ERICH1: variants seen among roughly 807,000 people sequenced by gnomAD.
The protein encoded by ERICH1 is glutamate-rich protein 1.
Under a neutral mutation model 39.6 loss-of-function variants are expected in ERICH1, and 56 were observed. The ratio of observed to expected loss-of-function variants is 1.41; its 90% CI spans 1.14 to 1.77. ERICH1 has a LOEUF of 1.77. Among genes scored for constraint, ERICH1 ranks in the 40% most tolerant of loss-of-function variants. The pLI, the probability that ERICH1 is intolerant of heterozygous loss-of-function variation, is 0.00. For synonymous variants in ERICH1, 313 were observed against 223.6 expected (o/e 1.40, Z -3.57); for missense variants, 826 against 575.4 (o/e 1.44, Z -4.45).
exon 4 of ERICH1, chr8:615,223 T>C: frequency 1.5e-6 from 1 of 688,992 alleles, no homozygotes; most frequent in Admixed American, 2.2e-5. Context: ...CCACAGCTGG[T>C]TAAGGCAGCC....
rs33933491 is a variant in ERICH1, at chr8:685,992, C to CA, written c.304+6485dup. Among the ~76,000 whole-genome samples, 55 of 128,436 alleles carry CA rather than the reference C, an allele frequency of 4.3e-4. 1 individual carries two copies. Among genetic ancestry groups the CA allele is most frequent in the Admixed American group, 1.3e-3 (16 of 12,602 alleles). 84.3% of individuals were successfully genotyped at this position (128,436 alleles called of 152,430 possible). A position where few individuals can be genotyped will look rare whatever the true frequency, so the allele number is the denominator to read the frequency against. ...AAACCCCGTCTCTACTAAAAAATAC[C>CA]AAAAAAAAAAAAAAAAAAATAGCTT... On this transcript the variant is annotated intron_variant, in intron 3 of 5. Coordinates refer to ENST00000262109, the MANE Select transcript of ERICH1 (RefSeq NM_207332.3).
intron 3 of ERICH1, among the ~76,000 whole-genome samples, chr8:633,433 G>C (rs1167466523): frequency 6.6e-6 from 1 of 152,120 alleles, no homozygotes; most frequent in Non-Finnish European, 1.5e-5. Flanking sequence ...GGAAGAAAAG[G>C]GCCCCCAAAG....
chr8:706,571 C>T (rs910333467), intron 2 of ERICH1, among the ~76,000 whole-genome samples: 1 of 152,054 alleles, frequency 6.6e-6, no homozygotes, highest in Admixed American at 6.6e-5. Flanking sequence ...GTCGGGAGTT[C>T]GAGACCAGCC....
rs550082651 is a variant in ERICH1, at chr8:721,488, C to T, written c.23-5481G>A. ...TCTGAGCTGACAAGCGCCGAGCGTG[C>T]GGCCCCCACACACCTGGCCCAGGCA... On this transcript the variant is annotated intron_variant, in intron 1 of 5. Coordinates refer to ENST00000262109, the MANE Select transcript of ERICH1 (RefSeq NM_207332.3). 5.3e-5 allele frequency among the ~76,000 whole-genome samples: 8 copies of T among 152,324 alleles called. No individual in the cohort carries two copies. In the East Asian group the frequency reaches 9.7e-4, roughly 18 times the overall value.
Position 715,920 on chromosome 8 carries a change from T to G in ERICH1, c.110A>C (p.Asn37Thr). The change falls in exon 2 of 6, where the codon AAT becomes ACT. Residue 37 changes from asparagine to threonine, a missense_variant. By Grantham distance (65) the Asn-to-Thr change is moderately conservative. Transcript: ENST00000262109. ...CTCAGAGGTCACTTTCTTTGGTGGATTTTGGACGGCCAGCGTCTGGGGTTC... is the reference window on the plus strand; with the variant it reads ...CTCAGAGGTCACTTTCTTTGGTGGAGTTTGGACGGCCAGCGTCTGGGGTTC... Reference protein sequence around the residue: ...KREPQTLAVQNPPKKVTSEKV... With the variant: ...KREPQTLAVQTPPKKVTSEKV... 6.2e-7 allele frequency: 1 copy of G among 1,613,798 alleles called. No homozygotes were observed. Among genetic ancestry groups the G allele is most frequent in the Non-Finnish European group, 8.5e-7 (1 of 1,179,862 alleles).
intron 1 of ERICH1, among the ~76,000 whole-genome samples, chr8:719,745 T>A (rs1343340580): frequency 6.6e-6 from 1 of 152,192 alleles, no homozygotes. Context: ...CTTGCACATG[T>A]ATTGAATTAT....
chr8:695,409 G>A (rs1809923382), intron 2 of ERICH1, among the ~76,000 whole-genome samples: 1 of 152,030 alleles, frequency 6.6e-6, no homozygotes, highest in Non-Finnish European at 1.5e-5. Flanking sequence ...ACCTGCATCT[G>A]ACACAGATCC....
chr8:685,457 A>G (rs1807113672), intron 3 of ERICH1, among the ~76,000 whole-genome samples: 1 of 152,208 alleles, frequency 6.6e-6, no homozygotes, highest in Non-Finnish European at 1.5e-5. Context: ...GGCAACATAC[A>G]TTCTCAGTTT....
intron 3 of ERICH1, among the ~76,000 whole-genome samples, chr8:651,896 C>G (rs1366728055): frequency 6.6e-6 from 1 of 152,150 alleles, no homozygotes. Flanking sequence ...TTCATTTCCT[C>G]TTGATGAGAA....
chr8:706,339 G>A (rs1585526594), intron 2 of ERICH1, among the ~76,000 whole-genome samples: 1 of 152,100 alleles, frequency 6.6e-6, no homozygotes, highest in African/African-American at 2.4e-5. Flanking sequence ...GACAAACACT[G>A]AACATTCCCA....
intron 2 of ERICH1, among the ~76,000 whole-genome samples, chr8:708,681 G>GTTTTTTTTTTGTTTTTTTTTTTTTT (rs1563319316): frequency 1.5e-4 from 10 of 65,774 alleles, no homozygotes; most frequent in Admixed American, 1.9e-4. Context: ...GGGATAATGA[G>GTTTTTTTTTTGTTTTTTTTTTTTTT]TTTTTTTTTT....
chr8:618,820 C>A (rs924590648), intron 3 of ERICH1, among the ~76,000 whole-genome samples: 5 of 152,086 alleles, frequency 3.3e-5, no homozygotes, highest in African/African-American at 9.7e-5. Context: ...GAGACAAGGT[C>A]CCCCAAACGC....
chr8:616,636 GAGA>G (rs960814708), intron 3 of ERICH1: 11 of 454,458 alleles, frequency 2.4e-5, no homozygotes, highest in Non-Finnish European at 4.4e-5. Context: ...GGCAGAGACA[GAGA>G]AGGAGAGACA....
chr8:673,630 TC>T lies in ERICH1; in HGVS notation c.721del (p.Asp241ThrfsTer2). ...EEDGADASEE[D>X]LTRARQEEGA... ...CTCTTCCTGCCTGGCCCGTGTCAGG[TC>T]TTCCTCGCTAGCGTCCGCACCATCT... is the stretch of plus-strand genomic sequence containing the variant. On this transcript the variant is annotated frameshift_variant, in exon 4 of 6. Transcript: ENST00000262109. LOFTEE classifies it high-confidence loss of function. 1 of 1,557,100 alleles carries T rather than the reference TC, an allele frequency of 6.4e-7. No individual in the cohort carries two copies. Among genetic ancestry groups the T allele is most frequent in the Non-Finnish European group, 8.8e-7 (1 of 1,134,200 alleles).
Position 632,792 on chromosome 8 carries a change from G to T in ERICH1, c.977-17508C>A, listed in dbSNP as rs78880210. On this transcript the variant is annotated intron_variant, in intron 3 of 3. Coordinates refer to the ERICH1 transcript ENST00000522706. ...ACATAACGCCCAAGTGGGTGACTTT[G>T]CCCTGGGGGACATTTGGCAATGTGT... Among the ~76,000 whole-genome samples the T allele has an allele frequency of 4.5e-3, 688 of 152,308 alleles. 4 individuals carry two copies. Among genetic ancestry groups the T allele is most frequent in the African/African-American group, 0.016 (646 of 41,568 alleles).
At chr8:712,420 G>A (rs892280489) in intron 2 of ERICH1, among the ~76,000 whole-genome samples, 41 of 151,672 alleles carry the variant, frequency 2.7e-4, no homozygotes, top group African/African-American at 8.9e-4. Flanking sequence ...AAATGATACC[G>A]TGTTTTGTTT....
chr8:704,296 C>T (rs570755547), intron 2 of ERICH1, among the ~76,000 whole-genome samples: 9 of 152,256 alleles, frequency 5.9e-5, no homozygotes, highest in Admixed American at 2.0e-4. Context: ...AGGAAGCCCC[C>T]GGGAGAGGTG....
intron 3 of ERICH1, among the ~76,000 whole-genome samples, chr8:688,038 G>A (rs1807895951): frequency 2.0e-5 from 3 of 152,140 alleles, no homozygotes; most frequent in Non-Finnish European, 4.4e-5. Context: ...CTGGAAAGGC[G>A]GGGGAGACGC....
In ERICH1 at chr8:673,638, G is replaced by C. The variant is rs147597546; in HGVS notation, c.714C>G (p.Ser238Arg). 1.2e-6 allele frequency: 2 copies of C among 1,609,132 alleles called. No homozygotes were observed. The highest frequency in any genetic ancestry group is 1.1e-5 in the South Asian group (1 of 90,718). The change falls in exon 4 of 6, where the codon AGC (serine) becomes AGG (arginine). Residue 238 changes from serine (S) to arginine (R), a missense_variant. Ser to Arg is a moderately radical substitution (Grantham distance 110). Transcript: ENST00000262109. ...GCCTGGCCCGTGTCAGGTCTTCCTC[G>C]CTAGCGTCCGCACCATCTTCCTCCC... ...DTREEDGADA[S>R]EEDLTRARQE...
Sources: allele counts gnomAD v4.1 joint callset (sites outside exome capture counted in the v4.1 genomes callset), GRCh38; gene constraint gnomAD v4.1.1; transcripts MANE v1.5; gene names NCBI Gene and HGNC (gene_info 2026-07-23, HGNC 2026-07-21).